The following TRABD2B variants were observed in gnomAD, a reference collection of about 807,000 sequenced individuals.
The protein encoded by TRABD2B is TraB domain containing 2B.
A neutral mutation model predicts 40.1 loss-of-function variants in TRABD2B; 14 were observed. The observed-to-expected ratio is 0.35, with a 90% CI of 0.23 to 0.55. The LOEUF is 0.55. Ranked by LOEUF, TRABD2B falls within the 20% of genes least tolerant of loss-of-function variation. The pLI is 0.90. For missense variants in TRABD2B, 541 were observed against 648.6 expected (o/e 0.83, Z 1.80); for synonymous variants, 263 against 277.0 (o/e 0.95, Z 0.50).
intron 2 of TRABD2B, among the ~76,000 whole-genome samples, chr1:47,887,587 G>T (rs186782693): frequency 3.9e-5 from 6 of 152,090 alleles, no homozygotes; most frequent in South Asian, 4.2e-4. Context: ...GGGCCGGCGG[G>T]GGGTGGGTGA....
At chr1:47,934,556 C>T (rs1645081811) in intron 2 of TRABD2B, among the ~76,000 whole-genome samples, 1 of 152,244 alleles carries the variant, frequency 6.6e-6, no homozygotes. Flanking sequence ...GCGTGAGCAG[C>T]TTTGGGGAGT....
At chr1:47,873,469 T>A (rs1644173778) in intron 2 of TRABD2B, among the ~76,000 whole-genome samples, 1 of 152,160 alleles carries the variant, frequency 6.6e-6, no homozygotes, top group Admixed American at 6.5e-5. Flanking sequence ...ACATACACTC[T>A]TTACAAGCAA....
rs1053099008 is a variant in TRABD2B at position 47,994,827 on chromosome 1, T to C, written c.103-230A>G. 1.3e-5 allele frequency among the ~76,000 whole-genome samples: 2 copies of C among 152,238 alleles called. No homozygotes were observed. The highest frequency in any genetic ancestry group is 4.8e-5 in the African/African-American group (2 of 41,466). On this transcript the variant is annotated intron_variant, in intron 1 of 6. Coordinates refer to ENST00000606738, the MANE Select transcript of TRABD2B (RefSeq NM_001194986.2). This position sits in a 1 kb window ranked among gnomAD's most constrained non-coding sequence, Gnocchi z 6.7. ...AATCATTTCACTTCCACAGGCTCAG[T>C]TTCCTCATCTGTAAAATGGGGGTGA...
chr1:47,975,750 G>A (rs1645746587), intron 2 of TRABD2B, among the ~76,000 whole-genome samples: 1 of 152,178 alleles, frequency 6.6e-6, no homozygotes, highest in Non-Finnish European at 1.5e-5. Context: ...ACTCTTCTAA[G>A]GGGTCAAATG....
intron 2 of TRABD2B, among the ~76,000 whole-genome samples, chr1:47,862,328 G>A (rs371500409): frequency 2.0e-5 from 3 of 152,050 alleles, no homozygotes; most frequent in Non-Finnish European, 2.9e-5. Context: ...GATTATCTAC[G>A]TAGAAAATCT....
intron 2 of TRABD2B, among the ~76,000 whole-genome samples, chr1:47,908,515 T>C (rs934406462): frequency 6.6e-6 from 1 of 152,184 alleles, no homozygotes; most frequent in Non-Finnish European, 1.5e-5. Context: ...ATAAATTCCA[T>C]GGACGGACCT....
At chr1:47,880,059 C>T (rs909839563) in intron 2 of TRABD2B, among the ~76,000 whole-genome samples, 3 of 152,220 alleles carry the variant, frequency 2.0e-5, no homozygotes, top group African/African-American at 7.2e-5. Flanking sequence ...CCTGTAATCC[C>T]GGCATTTTGG....
intron 2 of TRABD2B, among the ~76,000 whole-genome samples, chr1:47,987,756 C>T (rs1645940307): frequency 1.3e-5 from 2 of 152,196 alleles, no homozygotes; most frequent in African/African-American, 4.8e-5. Flanking sequence ...TGCTAGGGGA[C>T]ACCCGGTGAT....
intron 2 of TRABD2B, among the ~76,000 whole-genome samples, chr1:47,923,647 G>T (rs1017879933): frequency 3.3e-5 from 5 of 152,138 alleles, no homozygotes; most frequent in African/African-American, 1.2e-4. Flanking sequence ...CTTTAGATGG[G>T]GTGAATATTT....
Position 47,856,595 on chromosome 1 carries a change from G to A in TRABD2B, c.667-54976C>T, listed in dbSNP as rs1643892683. Among the ~76,000 whole-genome samples, 4 of 152,146 alleles carry A rather than the reference G, an allele frequency of 2.6e-5. No homozygotes were observed. In the South Asian group the frequency reaches 8.3e-4, roughly 32 times the overall value. ...AGCATGGTGCTTAGAGAGGCTCAGA[G>A]TTTTTCCAGTCATGATGTCCTGATG... On this transcript the variant is annotated intron_variant, in intron 2 of 6. Transcript: ENST00000606738.
intron 2 of TRABD2B, among the ~76,000 whole-genome samples, chr1:47,932,612 T>C (rs1192961414): frequency 2.6e-5 from 4 of 152,046 alleles, no homozygotes; most frequent in African/African-American, 9.7e-5. Flanking sequence ...GAGCAAAAAT[T>C]CGTGCAACAG....
At chr1:47,829,765 G>A (rs1299238134) in intron 2 of TRABD2B, among the ~76,000 whole-genome samples, 2 of 152,130 alleles carry the variant, frequency 1.3e-5, no homozygotes, top group Non-Finnish European at 2.9e-5. Context: ...TGACACTTAG[G>A]ACATTCTAAA....
rs528084742 is a variant in TRABD2B, at chr1:47,796,411, T to C, written c.814-1651A>G. Among the ~76,000 whole-genome samples, 24 of 152,304 alleles carry C rather than the reference T, an allele frequency of 1.6e-4. No homozygotes were observed. In the South Asian group the frequency reaches 4.4e-3, roughly 28 times the overall value. ...GCCTGGCATGAAGAGGCTAATTTTC[T>C]ACAGGATTAAGCCCCTAAATGGCCC... On this transcript the variant is annotated intron_variant, in intron 3 of 6. Coordinates refer to ENST00000606738, the MANE Select transcript of TRABD2B (RefSeq NM_001194986.2).
intron 2 of TRABD2B, among the ~76,000 whole-genome samples, chr1:47,822,963 G>A (rs1441820403): frequency 6.6e-6 from 1 of 152,224 alleles, no homozygotes; most frequent in Non-Finnish European, 1.5e-5. Context: ...CCTCCAAGGT[G>A]CCATCTTCCC....
Position 47,794,574 on chromosome 1 carries a change from A to G in TRABD2B, c.988+12T>C. The G allele has an allele frequency of 6.6e-7, 1 of 1,513,318 alleles. No individual in the cohort carries two copies. Among genetic ancestry groups the G allele is most frequent in the African/African-American group, 1.4e-5 (1 of 72,460 alleles). The allele number at this position is 1,513,318 out of a possible 1,614,324, so 93.7% of individuals were successfully genotyped here. On this transcript the variant is annotated intron_variant, in intron 4 of 6. Transcript: ENST00000606738. Reference sequence around the variant, plus strand: ...ATTCTGCAAACAATCCCTTCCCCACACTGGCCCAAACCTGCTCCGAAGGCA... The same window carrying G: ...ATTCTGCAAACAATCCCTTCCCCACGCTGGCCCAAACCTGCTCCGAAGGCA...
At chr1:47,769,098 G>C (rs1256329914) in intron 6 of TRABD2B, among the ~76,000 whole-genome samples, 1 of 152,210 alleles carries the variant, frequency 6.6e-6, no homozygotes, top group Non-Finnish European at 1.5e-5. Flanking sequence ...TCAGCCCCTG[G>C]AGGGGATTAG....
rs758386707 is a variant in TRABD2B, at chr1:47,773,088, T to G, written c.1349+2082A>C. ...TGGTTAGGGGCCGGAGCTCCATTGC[T>G]GGAGCTGACAGCCCAGCTTCCCGTC... is the stretch of plus-strand genomic sequence containing the variant. On this transcript the variant is annotated intron_variant, in intron 6 of 6. Transcript: ENST00000606738. Among the ~76,000 whole-genome samples the G allele has an allele frequency of 2.5e-4, 38 of 152,250 alleles. 1 individual carries two copies. The highest frequency in any genetic ancestry group is 1.2e-4 in the Non-Finnish European group (8 of 68,042).
At chr1:47,921,892 T>C (rs532478699) in intron 2 of TRABD2B, among the ~76,000 whole-genome samples, 6 of 152,320 alleles carry the variant, frequency 3.9e-5, no homozygotes, top group East Asian at 1.9e-4. Flanking sequence ...GTACCTAATA[T>C]AGGCTAGAGT....
In TRABD2B at chr1:47,765,874, C is replaced by T. The variant is rs969672926; in HGVS notation, c.*28G>A. 1.4e-6 allele frequency: 1 copy of T among 702,954 alleles called. No individual in the cohort carries two copies. The allele number at this position is 702,954 out of a possible 1,614,324, so 43.5% of individuals were successfully genotyped here. On this transcript the variant is annotated 3_prime_UTR_variant, in exon 7 of 7. Coordinates refer to ENST00000606738, the MANE Select transcript of TRABD2B (RefSeq NM_001194986.2). ...GGCCGAAGACCCCTGTGTCATTTCT[C>T]TGGCTTCTCCACTTGGGGTGGCCGA...
Sources: gnomAD v4.1 joint callset for allele counts (sites outside exome capture counted in the v4.1 genomes callset) on GRCh38, gnomAD v4.1.1 for gene constraint, Gnocchi (gnomAD v3.1) non-coding constraint, MANE v1.5 for transcripts, NCBI Gene and HGNC (gene_info 2026-07-23, HGNC 2026-07-21) for gene names.